Variants in RGS6 observed in about 807,000 individuals in gnomAD.
The protein encoded by RGS6 is regulator of G protein signaling 6.
RGS6 carries 30 observed loss-of-function variants against 78.5 expected under a neutral mutation model. The observed-to-expected ratio is 0.38, with a 90% CI of 0.29 to 0.52. RGS6 has a LOEUF of 0.52. Among genes scored for constraint, RGS6 ranks in the 20% least tolerant of loss-of-function variants. The probability of loss-of-function intolerance (pLI) is 0.85; values close to 1 mark genes in which losing one functional copy is unlikely to be tolerated. For missense variants in RGS6, 495 were observed against 609.7 expected (o/e 0.81, Z 1.98); for synonymous variants, 206 against 206.0 (o/e 1.00, Z 0.00).
chr14:72,302,643 C>T (rs1001604301), intron 2 of RGS6, among the ~76,000 whole-genome samples: 4 of 152,052 alleles, frequency 2.6e-5, no homozygotes, highest in Non-Finnish European at 5.9e-5. Flanking sequence ...ATCTAGCTTT[C>T]CAAACGGCCT....
chr14:72,201,126 T>C (rs552458010), intron 2 of RGS6, among the ~76,000 whole-genome samples: 2 of 152,294 alleles, frequency 1.3e-5, no homozygotes, highest in African/African-American at 4.8e-5. Context: ...GGAGCCCGCG[T>C]TGGAAAGCAA....
chr14:71,873,373 T>A, the RGS6 span, among the ~76,000 whole-genome samples: 1 of 152,202 alleles, frequency 6.6e-6, no homozygotes, highest in Admixed American at 6.5e-5. Flanking sequence ...GGTTTTGATT[T>A]GCATTTCTCT....
intron 2 of RGS6, among the ~76,000 whole-genome samples, chr14:72,292,632 C>T (rs917775670): frequency 6.6e-6 from 1 of 152,226 alleles, no homozygotes; most frequent in Non-Finnish European, 1.5e-5. Context: ...CAGGCCTGAC[C>T]TGCTCTTGTT....
At chr14:72,194,388 T>G (rs2039493990) in intron 2 of RGS6, among the ~76,000 whole-genome samples, 1 of 152,222 alleles carries the variant, frequency 6.6e-6, no homozygotes, top group Non-Finnish European at 1.5e-5. Context: ...TTTATTTTGT[T>G]GAAACGAGGC....
At position 72,086,719 on chromosome 14, in the gene RGS6, A is replaced by T. The variant is rs554250650; in HGVS notation, c.84+121844A>T. 4.7e-4 allele frequency among the ~76,000 whole-genome samples: 71 copies of T among 152,338 alleles called. 4 individuals carry two copies. The South Asian group carries it at 0.014, about 31-fold the overall frequency. On this transcript the variant is annotated intron_variant, in intron 2 of 17. Transcript: ENST00000553525. ...ATCCAAAATGCTGAGCAGGAGATTT[A>T]TGGAATTTGTTTGAAGATATTCCCT...
chr14:72,289,050 C>A (rs943221460), intron 2 of RGS6, among the ~76,000 whole-genome samples: 8 of 152,292 alleles, frequency 5.3e-5, no homozygotes, highest in Admixed American at 3.3e-4. Context: ...AATGCATATA[C>A]AACATGTCTA....
chr14:71,929,836 A>T (rs36329), upstream of RGS6, among the ~76,000 whole-genome samples: 2 of 152,126 alleles, frequency 1.3e-5, no homozygotes, highest in African/African-American at 4.8e-5. Flanking sequence ...TTTTACTCAA[A>T]GGGTTAAATT....
At chr14:72,135,311 G>A (rs2096414865) in intron 2 of RGS6, among the ~76,000 whole-genome samples, 1 of 152,128 alleles carries the variant, frequency 6.6e-6, no homozygotes, top group Non-Finnish European at 1.5e-5. Flanking sequence ...TCCCTGGACT[G>A]TGAGGCAGAG....
intron 1 of RGS6, among the ~76,000 whole-genome samples, chr14:71,939,434 T>C (rs1051732666): frequency 3.9e-5 from 6 of 152,162 alleles, no homozygotes; most frequent in Non-Finnish European, 8.8e-5. Context: ...CAGAGTGATA[T>C]CTTGTGGAAG....
intron 3 of RGS6, among the ~76,000 whole-genome samples, chr14:72,402,504 AT>A (rs956608131): frequency 3.3e-5 from 5 of 152,190 alleles, no homozygotes; most frequent in Non-Finnish European, 7.4e-5. Context: ...TATGAAAAAA[AT>A]GTTCAACATC....
intron 3 of RGS6, among the ~76,000 whole-genome samples, chr14:72,391,548 A>C (rs1361490188): frequency 6.6e-6 from 1 of 152,142 alleles, no homozygotes; most frequent in Admixed American, 6.5e-5. Flanking sequence ...CCCCTGGGCC[A>C]TTTCCGCCAC....
At chr14:72,036,200 ATATTATTAT>A (rs3053081) in intron 2 of RGS6, among the ~76,000 whole-genome samples, 4 of 146,800 alleles carry the variant, frequency 2.7e-5, no homozygotes, top group Non-Finnish European at 6.0e-5. Flanking sequence ...GCATGTAAAC[ATATTATTAT>A]TATTATTATT....
intron 2 of RGS6, among the ~76,000 whole-genome samples, chr14:72,233,821 C>G (rs2050285570): frequency 6.6e-6 from 1 of 152,134 alleles, no homozygotes; most frequent in African/African-American, 2.4e-5. Flanking sequence ...ACCTCTCTGC[C>G]CATGATGTGG....
chr14:72,521,407 C>T (rs1461931581), intron 15 of RGS6, among the ~76,000 whole-genome samples: 1 of 152,190 alleles, frequency 6.6e-6, no homozygotes, highest in African/African-American at 2.4e-5. Context: ...TATGTTGTCT[C>T]TACTTCAAGA....
chr14:72,100,026 T>C (rs17107204), intron 2 of RGS6, among the ~76,000 whole-genome samples: 7,233 of 152,076 alleles, frequency 0.048, 213 homozygotes, highest in Admixed American at 0.094. Flanking sequence ...ACCAGCACAG[T>C]AGTAAGAGTC....
intron 2 of RGS6, among the ~76,000 whole-genome samples, chr14:72,015,842 G>A (rs989771879): frequency 1.3e-5 from 2 of 152,134 alleles, no homozygotes; most frequent in Non-Finnish European, 2.9e-5. Context: ...TCTGTACTCA[G>A]TGGCCGTCTG....
chr14:71,923,395 T>C, the RGS6 span, among the ~76,000 whole-genome samples: 1,148 of 152,240 alleles, frequency 7.5e-3, 11 homozygotes, highest in African/African-American at 0.026. Context: ...AGAAGTATGA[T>C]AGTTATCAAA....
At chr14:72,400,033 G>A (rs149332332) in intron 3 of RGS6, among the ~76,000 whole-genome samples, 24 of 152,272 alleles carry the variant, frequency 1.6e-4, no homozygotes, top group Non-Finnish European at 2.8e-4. Flanking sequence ...AGGCAATACA[G>A]AGAATGCCAC....
At chr14:71,906,986 T>C in the RGS6 span, among the ~76,000 whole-genome samples, 1 of 152,194 alleles carries the variant, frequency 6.6e-6, no homozygotes, top group African/African-American at 2.4e-5. Flanking sequence ...GTGGAAATAT[T>C]TTCCTTTCTC....
Sources: allele counts gnomAD v4.1 joint callset (sites outside exome capture counted in the v4.1 genomes callset), GRCh38; gene constraint gnomAD v4.1.1; transcripts MANE v1.5; gene names NCBI Gene and HGNC (gene_info 2026-07-23, HGNC 2026-07-21).